The following NRXN3 variants were observed in gnomAD, a reference collection of about 807,000 sequenced individuals.
NRXN3 encodes the protein neurexin 3, also known as neurexin III.
Under a neutral mutation model 137.6 loss-of-function variants are expected in NRXN3, and 32 were observed. That is an observed-to-expected ratio of 0.23 (90% CI 0.18 to 0.31). NRXN3 has a LOEUF of 0.31. Among genes scored for constraint, NRXN3 ranks in the 10% least tolerant of loss-of-function variants. The pLI, the probability that NRXN3 is intolerant of heterozygous loss-of-function variation, is 1.00. For synonymous variants in NRXN3, 798 were observed against 784.5 expected (o/e 1.02, Z -0.29); for missense variants, 1,574 against 2,062.5 (o/e 0.76, Z 4.59).
intron 16 of NRXN3, among the ~76,000 whole-genome samples, chr14:79,546,476 T>C (rs1450557498): frequency 2.6e-5 from 4 of 152,218 alleles, no homozygotes; most frequent in Non-Finnish European, 5.9e-5. Flanking sequence ...TTCCTTAGGG[T>C]ATCTGCATTA....
In NRXN3 at chr14:79,712,384, A is replaced by C. The variant is rs1214134626; in HGVS notation, c.4014+14447A>C. On this transcript the variant is annotated intron_variant, in intron 19 of 20. Coordinates refer to ENST00000335750, the MANE Select transcript of NRXN3 (RefSeq NM_001330195.2). ...GTAAAATTCTATCGCATTTCGATTAAATAAATGTTCAGAGTTTGTTATTAT... is the reference window on the plus strand; with the variant it reads ...GTAAAATTCTATCGCATTTCGATTACATAAATGTTCAGAGTTTGTTATTAT... Among the ~76,000 whole-genome samples the C allele has an allele frequency of 2.6e-5, 4 of 152,216 alleles. No homozygotes were observed. The South Asian group carries it at 6.2e-4, about 24-fold the overall frequency.
At chr14:78,815,837 G>A (rs1215878580) in intron 10 of NRXN3, among the ~76,000 whole-genome samples, 2 of 152,126 alleles carry the variant, frequency 1.3e-5, no homozygotes, top group Non-Finnish European at 2.9e-5. Flanking sequence ...AAAGGAAATT[G>A]TAGAACCCTC....
At chr14:79,799,468 A>C (rs2140456853) in intron 19 of NRXN3, among the ~76,000 whole-genome samples, 1 of 152,294 alleles carries the variant, frequency 6.6e-6, no homozygotes, top group African/African-American at 2.4e-5. Context: ...GAGTGGAGAA[A>C]GGAGAGAAGT....
At chr14:79,601,792 G>A (rs2097925007) in intron 16 of NRXN3, among the ~76,000 whole-genome samples, 3 of 152,102 alleles carry the variant, frequency 2.0e-5, no homozygotes, top group Admixed American at 1.3e-4. Flanking sequence ...TCAATGTGCC[G>A]AAGATCAGGA....
At chr14:78,440,592 G>T (rs1037813928) in intron 4 of NRXN3, among the ~76,000 whole-genome samples, 2 of 152,112 alleles carry the variant, frequency 1.3e-5, no homozygotes, top group Admixed American at 6.6e-5. Flanking sequence ...CCCAGGGAAG[G>T]CCAGAGTCAG....
chr14:78,258,402 G>A (rs2070047534), intron 2 of NRXN3, among the ~76,000 whole-genome samples: 1 of 150,882 alleles, frequency 6.6e-6, no homozygotes, highest in South Asian at 2.1e-4. Flanking sequence ...GTCGGGAGAT[G>A]TACAGGGGCA....
chr14:78,215,190 C>T (rs986947305), intron 1 of NRXN3, among the ~76,000 whole-genome samples: 2 of 152,144 alleles, frequency 1.3e-5, no homozygotes, highest in African/African-American at 4.8e-5. Flanking sequence ...GATCCTGTTC[C>T]CGAGCCCACT....
At chr14:78,699,274 C>T (rs144438134) in intron 6 of NRXN3, among the ~76,000 whole-genome samples, 11 of 149,572 alleles carry the variant, frequency 7.4e-5, no homozygotes, top group East Asian at 3.9e-4. Context: ...CTTCAAGTGG[C>T]GAATAGTAGT....
intron 10 of NRXN3, among the ~76,000 whole-genome samples, chr14:78,898,514 A>G (rs1271196822): frequency 6.6e-6 from 1 of 151,324 alleles, no homozygotes; most frequent in African/African-American, 2.4e-5. Context: ...AGAGATGCAT[A>G]AGTTTCTTAA....
chr14:78,295,075 G>A (rs1371800572), intron 3 of NRXN3, among the ~76,000 whole-genome samples: 1 of 152,180 alleles, frequency 6.6e-6, no homozygotes, highest in African/African-American at 2.4e-5. Context: ...TGGGCATGAT[G>A]GAATTCTTGG....
rs375026401 is a variant in NRXN3 at position 78,279,523 on chromosome 14, G to A, written c.727+861G>A. 18 of 152,242 alleles carry A rather than the reference G, an allele frequency of 1.2e-4. No homozygotes were observed. The East Asian group carries it at 2.3e-3, about 20-fold the overall frequency. The allele number at this position is 152,242 out of a possible 1,614,324, so 9.4% of individuals were successfully genotyped here. A position where few individuals can be genotyped will look rare whatever the true frequency, so the allele number is the denominator to read the frequency against. ...TTCAGGTGTTTTCACATGTTTTCTT[G>A]TTTAGTCCTTTTAATATTTAATTTT... On this transcript the variant is annotated intron_variant, in intron 3 of 20. Transcript: ENST00000335750.
At chr14:78,836,677 G>T (rs1160263263) in intron 10 of NRXN3, among the ~76,000 whole-genome samples, 1 of 152,134 alleles carries the variant, frequency 6.6e-6, no homozygotes, top group Admixed American at 6.5e-5. Flanking sequence ...AGTTTAGTGG[G>T]CTCTAGTATT....
intron 10 of NRXN3, among the ~76,000 whole-genome samples, chr14:78,909,646 AT>A (rs1288551350): frequency 6.6e-6 from 1 of 151,976 alleles, no homozygotes; most frequent in Non-Finnish European, 1.5e-5. Context: ...AAGGGAATCC[AT>A]TTTTTTCAAT....
At chr14:78,270,888 C>T (rs1391075912) in intron 2 of NRXN3, among the ~76,000 whole-genome samples, 1 of 152,158 alleles carries the variant, frequency 6.6e-6, no homozygotes, top group Non-Finnish European at 1.5e-5. Flanking sequence ...AGGATTTTGT[C>T]CATAAGAAAC....
At chr14:79,388,009 G>T (rs1464418175) in intron 15 of NRXN3, among the ~76,000 whole-genome samples, 2 of 150,808 alleles carry the variant, frequency 1.3e-5, no homozygotes, top group African/African-American at 4.9e-5. Flanking sequence ...TGTAAATGAC[G>T]AGTTAATGGG....
chr14:79,248,130 G>C (rs949107214), intron 15 of NRXN3, among the ~76,000 whole-genome samples: 2 of 152,190 alleles, frequency 1.3e-5, no homozygotes, highest in Admixed American at 6.5e-5. Flanking sequence ...GCCATGTTCA[G>C]TTGAAGTCCA....
intron 2 of NRXN3, among the ~76,000 whole-genome samples, chr14:78,264,079 G>C (rs928958633): frequency 2.0e-5 from 3 of 152,102 alleles, no homozygotes; most frequent in African/African-American, 7.2e-5. Context: ...GACCAAAATA[G>C]CCTGTGTTGT....
intron 19 of NRXN3, among the ~76,000 whole-genome samples, chr14:79,782,654 A>C (rs1476703481): frequency 2.6e-5 from 4 of 152,184 alleles, no homozygotes; most frequent in Non-Finnish European, 5.9e-5. Flanking sequence ...ATAAAATCTT[A>C]ATCAGTGATT....
At chr14:78,281,688 T>C (rs941925004) in intron 3 of NRXN3, among the ~76,000 whole-genome samples, 1 of 152,162 alleles carries the variant, frequency 6.6e-6, no homozygotes, top group Non-Finnish European at 1.5e-5. Context: ...GGAGCCCAGC[T>C]CTGACATTCT....
Sources: allele counts gnomAD v4.1 joint callset (sites outside exome capture counted in the v4.1 genomes callset), GRCh38; gene constraint gnomAD v4.1.1; transcripts MANE v1.5; gene names NCBI Gene and HGNC (gene_info 2026-07-23, HGNC 2026-07-21).